NME4: variants seen among roughly 807,000 people sequenced by gnomAD.
NME4 encodes the protein NME/NM23 nucleoside diphosphate kinase 4.
In NME4, 21 loss-of-function variants were observed where a neutral mutation model predicts 16.4. The ratio of observed to expected loss-of-function variants is 1.28; its 90% CI spans 0.91 to 1.84. The LOEUF is 1.84. Among genes scored for constraint, NME4 ranks in the 40% most tolerant of loss-of-function variants. NME4 has a pLI of 0.00. For missense variants in NME4, 316 were observed against 261.3 expected (o/e 1.21, Z -1.44); for synonymous variants, 132 against 107.5 (o/e 1.23, Z -1.41).
intron 4 of NME4, 68 bp downstream of exon 4, chr16:399,807 G>C: frequency 7.7e-7 from 1 of 1,297,984 alleles, no homozygotes; most frequent in Non-Finnish European, 1.1e-6. Context: ...GGTGGTGGCA[G>C]ATCCACGAGA....
intron 1 of NME4, chr16:397,961 C>A: frequency 6.5e-7 from 1 of 1,546,196 alleles, no homozygotes; most frequent in South Asian, 1.2e-5. Flanking sequence ...CTACACAAGG[C>A]GCCCTGCAAA....
chr16:399,153 C>T (rs761289832), intron 2 of NME4, 30 bp downstream of exon 2: 2 of 1,599,752 alleles, frequency 1.3e-6, no homozygotes, highest in Admixed American at 1.7e-5. Context: ...GTGGGTGTCC[C>T]TGTGGGGATG....
chr16:397,360 G>GGC, intron 1 of NME4, 47 bp downstream of exon 1: 2 of 761,214 alleles, frequency 2.6e-6, no homozygotes, highest in Non-Finnish European at 3.3e-6. Context: ...GGGAGGAAGG[G>GGC]GCGCGCGCCG....
chr16:400,347 C>G lies in NME4; in HGVS notation c.*5C>G. ...AGCAGCATCCACCCAGCCTGAGGCT[C>G]AAGCTGCCCTTACCACCCCATCCCC... is the stretch of plus-strand genomic sequence containing the variant. On this transcript the variant is annotated 3_prime_UTR_variant, in exon 5 of 5. Coordinates refer to ENST00000219479, the MANE Select transcript of NME4 (RefSeq NM_005009.3). 6.3e-7 allele frequency: 1 copy of G among 1,598,798 alleles called. No individual in the cohort carries two copies. The highest frequency in any genetic ancestry group is 8.5e-7 in the Non-Finnish European group (1 of 1,177,778).
At position 400,581 on chromosome 16, in the gene NME4, G is replaced by C; in HGVS notation, c.*239G>C. 2.1e-6 allele frequency: 1 copy of C among 486,720 alleles called. No individual in the cohort carries two copies. The highest frequency in any genetic ancestry group is 3.6e-6 in the Non-Finnish European group (1 of 277,100). The allele number at this position is 486,720 out of a possible 1,614,324, so 30.2% of individuals were successfully genotyped here. Reference sequence around the variant, plus strand: ...AAGTGCCGGACAACCTTTGTGGTGGGGGGGGGTCTTCACATTATCATAACC... The same window carrying C: ...AAGTGCCGGACAACCTTTGTGGTGGCGGGGGGTCTTCACATTATCATAACC... On this transcript the variant is annotated 3_prime_UTR_variant, in exon 5 of 5. Coordinates refer to ENST00000219479, the MANE Select transcript of NME4 (RefSeq NM_005009.3).
rs1242955436 is a variant in NME4 at position 400,482 on chromosome 16, A to C, written c.*140A>C. ...CCTCTGCCCCACCCCAGCCCAGAGG[A>C]GTTTGAGCCACCAACTTCAGTGCCT... On this transcript the variant is annotated 3_prime_UTR_variant, in exon 5 of 5. Coordinates refer to ENST00000219479, the MANE Select transcript of NME4 (RefSeq NM_005009.3). The C allele has an allele frequency of 9.3e-7, 1 of 1,074,774 alleles. No homozygotes were observed. Among genetic ancestry groups the C allele is most frequent in the African/African-American group, 1.6e-5 (1 of 61,968 alleles). 66.6% of individuals were successfully genotyped at this position (1,074,774 alleles called of 1,614,324 possible).
Position 398,907 on chromosome 16 carries a change from C to T in NME4, c.92-83C>T, listed in dbSNP as rs1048586506. 3.8e-6 allele frequency: 6 copies of T among 1,574,406 alleles called. No individual in the cohort carries two copies. In the African/African-American group the frequency reaches 5.4e-5, roughly 14 times the overall value. On this transcript the variant is annotated intron_variant, in intron 1 of 4. Transcript: ENST00000219479. ...GGCAGACACCCTGAAGCCTGGTGAC[C>T]CCTGGGCTCTGGCTGGGAAACCCGG...
At chr16:398,659 C>T (rs1458872672) in intron 1 of NME4, 3 of 427,466 alleles carry the variant, frequency 7.0e-6, no homozygotes. Flanking sequence ...GCTGGCTCTG[C>T]CTCTATGGAC....
In NME4 at chr16:399,368, A is replaced by G. The variant is rs368014901; in HGVS notation, c.226-11A>G. The G allele has an allele frequency of 1.6e-4, 262 of 1,612,354 alleles. 1 individual carries two copies. The highest frequency in any genetic ancestry group is 1.8e-4 in the Non-Finnish European group (214 of 1,179,484). On this transcript the variant is annotated splice_polypyrimidine_tract_variant and intron_variant, in intron 2 of 4. Coordinates refer to ENST00000219479, the MANE Select transcript of NME4 (RefSeq NM_005009.3). ...CTGTCTGCGGCTCCTCCTTACCTCA[A>G]TGCCACCCAGGCACCAGAGAGCGTC...
upstream of NME4, chr16:397,108 C>A (rs1170027284): frequency 3.8e-5 from 2 of 52,526 alleles, no homozygotes; most frequent in South Asian, 7.5e-4. Context: ...GGGTCCGGGG[C>A]GGCGGGGGGC....
chr16:398,149 T>G (rs1244318109), intron 1 of NME4: 4 of 1,527,742 alleles, frequency 2.6e-6, no homozygotes, highest in African/African-American at 2.8e-5. Flanking sequence ...GAGGGTAGCT[T>G]GGCTCTGGAG....
chr16:400,155 G>T (rs537797251), intron 4 of NME4, 64 bp from the exon 5 acceptor site: 4 of 1,608,844 alleles, frequency 2.5e-6, no homozygotes, highest in East Asian at 2.2e-5. Flanking sequence ...GCAGCAGATG[G>T]TCCCTGGGAT....
chr16:397,995 A>T, intron 1 of NME4: 2 of 1,541,854 alleles, frequency 1.3e-6, no homozygotes, highest in Non-Finnish European at 1.7e-6. Context: ...GAACAAACCA[A>T]CCAGGGGGTC....
chr16:397,347 G>C (rs1169625026), intron 1 of NME4, 34 bp downstream of exon 1: 5 of 903,976 alleles, frequency 5.5e-6, no homozygotes, highest in Middle Eastern at 5.0e-4. Flanking sequence ...CGGGGACGCG[G>C]AGGGGAGGAA....
chr16:397,267 C>A lies in NME4; in HGVS notation c.45C>A (p.Cys15Ter). The change falls in exon 1 of 5, where the codon TGC (cysteine) becomes TGA (stop). Residue 15 changes from cysteine (C) to a stop codon, truncating the protein, a stop_gained. Transcript: ENST00000219479. LOFTEE classifies it high-confidence loss of function. ...FWRSALRGLR[C>*]GPRAPGPSLL... ...GCTCCGCGCTGCGGGGGCTGCGCTG[C>A]GGCCCGCGGGCCCCGGGCCCGAGCC... is the stretch of plus-strand genomic sequence containing the variant. The A allele has an allele frequency of 9.5e-7, 1 of 1,051,322 alleles. No individual in the cohort carries two copies. Among genetic ancestry groups the A allele is most frequent in the Non-Finnish European group, 1.1e-6 (1 of 874,980 alleles). 65.1% of individuals were successfully genotyped at this position (1,051,322 alleles called of 1,614,324 possible).
rs1287996557 is a variant in NME4 at position 399,465 on chromosome 16, G to A, written c.312G>A (p.Gly104=). The A allele has an allele frequency of 1.2e-6, 2 of 1,612,844 alleles. No homozygotes were observed. Among genetic ancestry groups the A allele is most frequent in the East Asian group, 2.2e-5 (1 of 44,880 alleles). ...CCCTCATCCGCTACATGAGCTCTGG[G>A]CCTGTGGTGGCCATGGTACGGCAGG... ...YPALIRYMSS[G]PVVAMVWEGY... The change falls in exon 3 of 5, where the codon GGG becomes GGA. Residue 104 remains glycine (G), a synonymous_variant. Transcript: ENST00000219479.
At chr16:398,176 G>A in intron 1 of NME4, 8 of 1,511,174 alleles carry the variant, frequency 5.3e-6, no homozygotes, top group Non-Finnish European at 7.1e-6. Context: ...GGGACTATAG[G>A]AAGGTGAGGA....
rs1388885689 is a variant in NME4, at chr16:399,034, C to A, written c.136C>A (p.Pro46Thr). Residue 46 changes from proline to threonine, a missense_variant, in exon 2 of 5, where the codon CCC becomes ACC. By Grantham distance (38) the Pro-to-Thr change is conservative. Transcript: ENST00000219479. Reference sequence around the variant, plus strand: ...GGAGCGGACCCTGGTGGCGGTGAAGCCCGATGGCGTGCAACGGCGGCTCGT... The same window carrying A: ...GGAGCGGACCCTGGTGGCGGTGAAGACCGATGGCGTGCAACGGCGGCTCGT... Reference protein sequence around the residue: ...TRERTLVAVKPDGVQRRLVGD... With the variant: ...TRERTLVAVKTDGVQRRLVGD... The A allele has an allele frequency of 6.2e-7, 1 of 1,609,296 alleles. No individual in the cohort carries two copies. The highest frequency in any genetic ancestry group is 1.7e-5 in the Admixed American group (1 of 59,960).
intron 1 of NME4, chr16:397,924 C>CTG: frequency 6.5e-7 from 1 of 1,550,348 alleles, no homozygotes; most frequent in Non-Finnish European, 8.7e-7. Context: ...CCTGCAATGC[C>CTG]CGCACCAGCC....
Sources: gnomAD v4.1 joint callset for allele counts on GRCh38, gnomAD v4.1.1 for gene constraint, MANE v1.5 for transcripts, NCBI Gene and HGNC (gene_info 2026-07-23, HGNC 2026-07-21) for gene names.